The following FERMT3 variants were observed in gnomAD, a reference collection of about 807,000 sequenced individuals.
The protein encoded by FERMT3 is FERM domain containing kindlin 3.
A neutral mutation model predicts 80.8 loss-of-function variants in FERMT3; 33 were observed. The ratio of observed to expected loss-of-function variants is 0.41; its 90% CI spans 0.31 to 0.55. FERMT3 has a LOEUF of 0.55. FERMT3 is among the 20% of genes least tolerant of loss of function. FERMT3 has a pLI of 0.31. For missense variants in FERMT3, 754 were observed against 908.7 expected (o/e 0.83, Z 2.19); for synonymous variants, 375 against 372.2 (o/e 1.01, Z -0.09).
Position 64,219,940 on chromosome 11 carries a change from A to G in FERMT3, c.1129A>G (p.Lys377Glu). 6.2e-7 allele frequency: 1 copy of G among 1,613,854 alleles called. No individual in the cohort carries two copies. The highest frequency in any genetic ancestry group is 1.1e-5 in the South Asian group (1 of 91,082). Residue 377 changes from lysine (K) to glutamate (E), a missense_variant, in exon 10 of 15, where the codon AAG (lysine) becomes GAG (glutamate). Physicochemically the swap from Lys to Glu is moderately conservative, Grantham distance 56. Transcript: ENST00000345728. This position sits in a 1 kb window ranked among gnomAD's most constrained non-coding sequence, Gnocchi z 4.0. ...CTACCGCCAACACTGGGTGGTGTTC[A>G]AGGAGACCACACTGTCCTACTACAA... is the stretch of plus-strand genomic sequence containing the variant. Reference protein sequence around the residue: ...KGYRQHWVVFKETTLSYYKSQ... With the variant: ...KGYRQHWVVFEETTLSYYKSQ...
In FERMT3 at chr11:64,207,533, C is replaced by T. The variant is rs1170189844; in HGVS notation, c.160+9C>T. ...GATTGTGGAGCAGATCAGTGAGTGTCCGCTGCCCGCTTGCTGAACTCGGCA... is the reference window on the plus strand; with the variant it reads ...GATTGTGGAGCAGATCAGTGAGTGTTCGCTGCCCGCTTGCTGAACTCGGCA... On this transcript the variant is annotated intron_variant, in intron 2 of 14. Transcript: ENST00000345728. 1.9e-6 allele frequency: 3 copies of T among 1,593,910 alleles called. No homozygotes were observed. Among genetic ancestry groups the T allele is most frequent in the South Asian group, 2.2e-5 (2 of 89,344 alleles).
chr11:64,210,691 G>C lies in FERMT3; in HGVS notation c.241G>C (p.Asp81His), dbSNP rs1019817566. ...GCTGCTGCAGACCCACTGGACACTG[G>C]ACAAGTACGGGATCCTGGCCGACGC... ...QWLLQTHWTL[D>H]KYGILADARL... Residue 81 changes from aspartate (D) to histidine (H), a missense_variant, in exon 3 of 15, where the codon GAC (aspartate) becomes CAC (histidine). Physicochemically the swap from Asp to His is moderately conservative, Grantham distance 81. Coordinates refer to ENST00000345728, the MANE Select transcript of FERMT3 (RefSeq NM_031471.6). The surrounding 1 kb of genome is among the most constrained non-coding windows in gnomAD (Gnocchi z 4.3). The C allele has an allele frequency of 6.2e-7, 1 of 1,614,168 alleles. No homozygotes were observed. Among genetic ancestry groups the C allele is most frequent in the Non-Finnish European group, 8.5e-7 (1 of 1,180,006 alleles).
At chr11:64,212,997 G>A (rs2066603267) in intron 6 of FERMT3, among the ~76,000 whole-genome samples, 1 of 151,908 alleles carries the variant, frequency 6.6e-6, no homozygotes, top group Admixed American at 6.6e-5. Flanking sequence ...AGGGTCATGT[G>A]ATCCTTAAGC....
chr11:64,206,251 G>A (rs181437270), upstream of FERMT3, among the ~76,000 whole-genome samples: 39 of 152,332 alleles, frequency 2.6e-4, no homozygotes, highest in Admixed American at 2.4e-3. Flanking sequence ...CTGCAAAATG[G>A]ACTTGTTTCC....
intron 6 of FERMT3, among the ~76,000 whole-genome samples, chr11:64,215,557 A>G (rs1378615911): frequency 6.6e-6 from 1 of 152,134 alleles, no homozygotes; most frequent in Non-Finnish European, 1.5e-5. Context: ...TAATAGAACC[A>G]AATTTATATT....
chr11:64,220,326 TGTGA>T lies in FERMT3; in HGVS notation c.1311+6_1311+9del, dbSNP rs1591039784. 1.2e-6 allele frequency: 2 copies of T among 1,613,196 alleles called. No individual in the cohort carries two copies. Among genetic ancestry groups the T allele is most frequent in the Non-Finnish European group, 1.7e-6 (2 of 1,179,536 alleles). On this transcript the variant is annotated splice_donor_variant and splice_donor_region_variant and intron_variant, in intron 11 of 14. Coordinates refer to ENST00000345728, the MANE Select transcript of FERMT3 (RefSeq NM_031471.6). LOFTEE classifies it high-confidence loss of function. ...GTGAGATCTACCTGCGGTGCCAGGATGTGAGTGAGGGCTGGGCAGGGGCCAGGGC... is the reference window on the plus strand; with the variant it reads ...GTGAGATCTACCTGCGGTGCCAGGATGTGAGGGCTGGGCAGGGGCCAGGGC...
chr11:64,217,870 G>C lies in FERMT3; in HGVS notation c.787-1381G>C, dbSNP rs368462259. Among the ~76,000 whole-genome samples the C allele has an allele frequency of 3.4e-4, 52 of 152,242 alleles. No homozygotes were observed. In the East Asian group the frequency reaches 7.3e-3, roughly 21 times the overall value. ...CTGTTCTTTTTGCTGATTGCTTTCC[G>C]CCTATTTTCAAGTCTCATTGGTGGA... On this transcript the variant is annotated intron_variant, in intron 6 of 14. Transcript: ENST00000345728.
At chr11:64,207,329 C>G in intron 1 of FERMT3, 22 bp from the exon 2 acceptor site, 1 of 1,613,954 alleles carries the variant, frequency 6.2e-7, no homozygotes, top group Admixed American at 1.7e-5. Context: ...GCCCACCTTG[C>G]CTCCTTCCAC....
rs578201604 is a variant in FERMT3 at position 64,219,259 on chromosome 11, C to T, written c.795C>T (p.Pro265=). The part of the protein sequence containing the change: ...SFFDLDPKTD[P]VRLTQLYEQA... ...CTCTCCCCCCGCTCCAGACAGACCC[C>T]GTGCGGCTGACACAGCTGTATGAGC... The change falls in exon 7 of 15, where the codon CCC becomes CCT. Residue 265 remains proline (P), a synonymous_variant. Transcript: ENST00000345728. The surrounding 1 kb of genome is among the most constrained non-coding windows in gnomAD (Gnocchi z 4.0). 19 of 1,595,694 alleles carry T rather than the reference C, an allele frequency of 1.2e-5. No homozygotes were observed. In the African/African-American group the frequency reaches 1.6e-4, roughly 14 times the overall value.
At chr11:64,212,918 C>T (rs1362277257) in intron 6 of FERMT3, among the ~76,000 whole-genome samples, 1 of 151,988 alleles carries the variant, frequency 6.6e-6, no homozygotes. Flanking sequence ...TTTTGAGACA[C>T]AGTCTTGCTC....
At position 64,220,418 on chromosome 11, in the gene FERMT3, C is replaced by G; in HGVS notation, c.1312-18C>G. The G allele has an allele frequency of 1.2e-6, 2 of 1,610,272 alleles. No homozygotes were observed. Among genetic ancestry groups the G allele is most frequent in the Non-Finnish European group, 1.7e-6 (2 of 1,179,348 alleles). ...ATCAAGCTTGGTTAGCACTGTCCCCCTCACCCCTCTCGCCCAGGAGCAGCA... is the reference window on the plus strand; with the variant it reads ...ATCAAGCTTGGTTAGCACTGTCCCCGTCACCCCTCTCGCCCAGGAGCAGCA... On this transcript the variant is annotated intron_variant, in intron 11 of 14. Transcript: ENST00000345728.
chr11:64,216,546 C>T (rs1946555317), intron 6 of FERMT3, among the ~76,000 whole-genome samples: 1 of 146,846 alleles, frequency 6.8e-6, no homozygotes, highest in Non-Finnish European at 1.5e-5. Flanking sequence ...CCTGTAATCC[C>T]AGCACTTTGG....
intron 14 of FERMT3, 61 bp downstream of exon 14, chr11:64,223,250 C>T (rs1261162528): frequency 1.2e-6 from 2 of 1,612,906 alleles, no homozygotes; most frequent in African/African-American, 1.3e-5. Context: ...TGGATCCAGC[C>T]AGGGTGGGGC....
chr11:64,215,116 A>G (rs1946523247), intron 6 of FERMT3, among the ~76,000 whole-genome samples: 1 of 152,122 alleles, frequency 6.6e-6, no homozygotes, highest in Non-Finnish European at 1.5e-5. Context: ...GGCTCAGCTT[A>G]TTTTTAACAA....
At chr11:64,221,409 A>G (rs916655585) in intron 13 of FERMT3, among the ~76,000 whole-genome samples, 1 of 152,198 alleles carries the variant, frequency 6.6e-6, no homozygotes, top group Non-Finnish European at 1.5e-5. Flanking sequence ...TAGGAGGATC[A>G]CTTGAACCCA....
Position 64,211,791 on chromosome 11 carries a change from G to A in FERMT3, c.786+44G>A, listed in dbSNP as rs760748029. On this transcript the variant is annotated intron_variant, in intron 6 of 14. Transcript: ENST00000345728. The surrounding 1 kb of genome is among the most constrained non-coding windows in gnomAD (Gnocchi z 4.7). ...AAAGCGGGCCTCAGGTCCATGAGAT[G>A]TGGAGACCTAGGGCCTGGGGTATGG... The A allele has an allele frequency of 2.5e-6, 4 of 1,580,156 alleles. No individual in the cohort carries two copies. The highest frequency in any genetic ancestry group is 1.1e-5 in the South Asian group (1 of 90,464).
intron 2 of FERMT3, among the ~76,000 whole-genome samples, chr11:64,209,225 C>T (rs977064750): frequency 2.0e-5 from 3 of 152,138 alleles, no homozygotes; most frequent in Non-Finnish European, 2.9e-5. Context: ...GCTCCAAAAG[C>T]CGAGACCAGG....
At chr11:64,214,170 T>TC (rs1274630442) in intron 6 of FERMT3, among the ~76,000 whole-genome samples, 1 of 146,950 alleles carries the variant, frequency 6.8e-6, no homozygotes, top group African/African-American at 2.5e-5. Flanking sequence ...ATAATTGCCT[T>TC]TTTTTTTTTT....
intron 2 of FERMT3, among the ~76,000 whole-genome samples, chr11:64,209,155 T>C (rs1033977244): frequency 3.3e-5 from 5 of 151,826 alleles, no homozygotes; most frequent in African/African-American, 1.2e-4. Context: ...TGTAGGGAGC[T>C]GGTGAGGAGG....
Sources: gnomAD v4.1 joint callset for allele counts (sites outside exome capture counted in the v4.1 genomes callset) on GRCh38, gnomAD v4.1.1 for gene constraint, Gnocchi (gnomAD v3.1) non-coding constraint, MANE v1.5 for transcripts, NCBI Gene and HGNC (gene_info 2026-07-23, HGNC 2026-07-21) for gene names.